The following ZNF385D variants were observed in gnomAD, a reference collection of about 807,000 sequenced individuals.
ZNF385D encodes zinc finger protein 385D.
Under a neutral mutation model 35.8 loss-of-function variants are expected in ZNF385D, and 15 were observed. The ratio of observed to expected loss-of-function variants is 0.42; its 90% CI spans 0.28 to 0.64. The LOEUF is 0.64. Ranked by LOEUF, ZNF385D falls within the 30% of genes least tolerant of loss-of-function variation. The probability of loss-of-function intolerance (pLI) is 0.23; values close to 1 mark genes in which losing one functional copy is unlikely to be tolerated. For synonymous variants in ZNF385D, 212 were observed against 186.8 expected, an observed-to-expected ratio of 1.13 and a Z score of -1.10; for missense variants, 474 against 494.6, an observed-to-expected ratio of 0.96 and a Z score of 0.39.
chr3:21,769,797 G>C (rs2070996817), intron 3 of ZNF385D, among the ~76,000 whole-genome samples: 1 of 138,058 alleles, frequency 7.2e-6, no homozygotes, highest in South Asian at 2.4e-4. Flanking sequence ...TAAGCCAAAA[G>C]AAAAAAGCTG....
At chr3:21,798,110 A>C (rs2072235488) in intron 3 of ZNF385D, among the ~76,000 whole-genome samples, 1 of 152,192 alleles carries the variant, frequency 6.6e-6, no homozygotes, top group African/African-American at 2.4e-5. Context: ...ATAATGGGGA[A>C]GACTATGCGT....
intron 3 of ZNF385D, among the ~76,000 whole-genome samples, chr3:22,074,429 T>C (rs997583806): frequency 6.6e-6 from 1 of 151,976 alleles, no homozygotes; most frequent in Non-Finnish European, 1.5e-5. Context: ...GCAAAAAACA[T>C]TGAGCCCAAT....
At chr3:21,576,023 T>G (rs2063486921) in intron 2 of ZNF385D, among the ~76,000 whole-genome samples, 1 of 152,202 alleles carries the variant, frequency 6.6e-6, no homozygotes. Flanking sequence ...GAGAATGATT[T>G]CATGACACAA....
chr3:22,337,363 C>A (rs1320442839), intron 2 of ZNF385D, among the ~76,000 whole-genome samples: 1 of 151,980 alleles, frequency 6.6e-6, no homozygotes, highest in Admixed American at 6.6e-5. Context: ...GTGAAACCCT[C>A]TCTCTACTAA....
Position 21,564,665 on chromosome 3 carries a change from G to C in ZNF385D, c.185C>G (p.Ala62Gly). ...AACCCCGAATGTATGGTTTATTACA[G>C]CTTTCTGAATCGGGTCCATCTGTAA... ...NFNAMDPIQK[A>G]VINHTFGVPL... Residue 62 changes from alanine (A) to glycine (G), a missense_variant, in exon 3 of 8, where the codon GCT (alanine) becomes GGT (glycine). Coordinates refer to ENST00000281523, the MANE Select transcript of ZNF385D (RefSeq NM_024697.3). The C allele has an allele frequency of 6.4e-7, 1 of 1,570,698 alleles. No homozygotes were observed. Among genetic ancestry groups the C allele is most frequent in the South Asian group, 1.2e-5 (1 of 83,034 alleles).
chr3:21,795,342 T>C (rs574331756), intron 3 of ZNF385D, among the ~76,000 whole-genome samples: 7 of 152,350 alleles, frequency 4.6e-5, no homozygotes, highest in Admixed American at 4.6e-4. Flanking sequence ...TGACAGGCTA[T>C]GGACTCACCC....
At chr3:21,687,801 T>A (rs1400662879) in intron 1 of ZNF385D, among the ~76,000 whole-genome samples, 1 of 152,186 alleles carries the variant, frequency 6.6e-6, no homozygotes. Flanking sequence ...TCACCAGTGA[T>A]GATCATGTAC....
intron 1 of ZNF385D, among the ~76,000 whole-genome samples, chr3:21,681,827 G>A (rs920703075): frequency 2.0e-5 from 3 of 151,944 alleles, no homozygotes; most frequent in South Asian, 4.1e-4. Context: ...GAGGGAAAGA[G>A]AGGCAAAGAT....
At chr3:22,165,222 G>C (rs1706235014) in intron 3 of ZNF385D, among the ~76,000 whole-genome samples, 5 of 152,228 alleles carry the variant, frequency 3.3e-5, no homozygotes, top group Admixed American at 2.0e-4. Context: ...GTTGTGCATG[G>C]TGTTGATAGT....
At chr3:21,808,053 T>C (rs190323970) in intron 3 of ZNF385D, among the ~76,000 whole-genome samples, 2 of 152,302 alleles carry the variant, frequency 1.3e-5, no homozygotes, top group East Asian at 1.9e-4. Context: ...ACTGTTATCA[T>C]TGCTCTGTGA....
intron 1 of ZNF385D, among the ~76,000 whole-genome samples, chr3:21,743,968 AGCTATTG>A (rs2069640998): frequency 6.6e-6 from 1 of 152,196 alleles, no homozygotes; most frequent in African/African-American, 2.4e-5. Context: ...TCATTTCTCA[AGCTATTG>A]GCTGGAGAAT....
chr3:21,964,965 G>T (rs974512859), intron 3 of ZNF385D, among the ~76,000 whole-genome samples: 4 of 152,100 alleles, frequency 2.6e-5, no homozygotes, highest in African/African-American at 7.2e-5. Context: ...ATAAAAATAC[G>T]TTAGCACTTA....
chr3:21,923,046 T>A (rs1056762470), intron 3 of ZNF385D, among the ~76,000 whole-genome samples: 3 of 151,750 alleles, frequency 2.0e-5, no homozygotes, highest in Non-Finnish European at 4.4e-5. Context: ...CACATTTTTT[T>A]ATTATACTTT....
chr3:22,252,537 C>A (rs992084766), intron 2 of ZNF385D, among the ~76,000 whole-genome samples: 7 of 151,968 alleles, frequency 4.6e-5, no homozygotes, highest in African/African-American at 1.7e-4. Context: ...CTACTACTGT[C>A]AAAGAAAATT....
At position 22,327,580 on chromosome 3, in the gene ZNF385D, A is replaced by G. The variant is rs148091616; in HGVS notation, c.106+44870T>C. Among the ~76,000 whole-genome samples the G allele has an allele frequency of 2.5e-3, 379 of 152,284 alleles. 3 individuals carry two copies. The highest frequency in any genetic ancestry group is 9.0e-3 in the African/African-American group (374 of 41,562). Reference sequence around the variant, plus strand: ...CAAGGATTTCCTGAAGACTAACACAAATCTCCATGTAGGTCCATCTACCAG... The same window carrying G: ...CAAGGATTTCCTGAAGACTAACACAGATCTCCATGTAGGTCCATCTACCAG... On this transcript the variant is annotated intron_variant, in intron 2 of 5. Transcript: ENST00000494108.
chr3:21,434,896 G>C (rs1701473927), intron 5 of ZNF385D, among the ~76,000 whole-genome samples: 1 of 152,102 alleles, frequency 6.6e-6, no homozygotes, highest in African/African-American at 2.4e-5. Context: ...CTAAGGTTCA[G>C]AGAGAACACT....
At position 22,008,950 on chromosome 3, in the gene ZNF385D, T is replaced by C. The variant is rs1451481152; in HGVS notation, c.325+159867A>G. Among the ~76,000 whole-genome samples, 7 of 151,322 alleles carry C rather than the reference T, an allele frequency of 4.6e-5. No individual in the cohort carries two copies. In the East Asian group the frequency reaches 1.4e-3, roughly 29 times the overall value. On this transcript the variant is annotated intron_variant, in intron 3 of 5. Coordinates refer to the ZNF385D transcript ENST00000494108. ...AGGCAGATTAAAACCACAGAATAAA[T>C]CAAAAGAATATGGAAGGAAGAAAAT... is the stretch of plus-strand genomic sequence containing the variant.
rs1160681079 is a variant in ZNF385D, at chr3:22,319,889, CT to C, written c.106+52560del. ...AATGGTATTTTAGTTATGCATTTTC[CT>C]TTAAGTGTACCTGTTGCTATGTCCC... On this transcript the variant is annotated intron_variant, in intron 2 of 5. Coordinates refer to the ZNF385D transcript ENST00000494108. Among the ~76,000 whole-genome samples the C allele has an allele frequency of 1.2e-4, 18 of 152,034 alleles. No individual in the cohort carries two copies. In the East Asian group the frequency reaches 3.3e-3, roughly 28 times the overall value.
chr3:21,828,704 A>T (rs1694809546), intron 3 of ZNF385D, among the ~76,000 whole-genome samples: 1 of 152,264 alleles, frequency 6.6e-6, no homozygotes, highest in Non-Finnish European at 1.5e-5. Context: ...TTAGTGGCTT[A>T]AAACAATGCA....
Sources: allele counts gnomAD v4.1 joint callset (sites outside exome capture counted in the v4.1 genomes callset), GRCh38; gene constraint gnomAD v4.1.1; transcripts MANE v1.5; gene names NCBI Gene and HGNC (gene_info 2026-07-23, HGNC 2026-07-21).